PROM1: variants seen among roughly 807,000 people sequenced by gnomAD.
The protein encoded by PROM1 is prominin 1, also known as prominin-1.
PROM1 carries 105 observed loss-of-function variants against 116.9 expected under a neutral mutation model. That is an observed-to-expected ratio of 0.90 (90% CI 0.77 to 1.06). The LOEUF (loss-of-function observed/expected upper bound fraction) is 1.06, where lower values mean the gene tolerates loss of function less well. Among genes scored for constraint, PROM1 ranks in the 50% least tolerant of loss-of-function variants. PROM1 has a pLI of 0.00. For synonymous variants in PROM1, 393 were observed against 387.0 expected, an observed-to-expected ratio of 1.02 and a Z score of -0.18; for missense variants, 1,122 against 1,045.2, an observed-to-expected ratio of 1.07 and a Z score of -1.01.
At chr4:16,015,644 C>A (rs769321716) in intron 10 of PROM1, among the ~76,000 whole-genome samples, 1 of 151,688 alleles carries the variant, frequency 6.6e-6, no homozygotes, top group East Asian at 1.9e-4. Flanking sequence ...GAGCCGAGAT[C>A]GTACCACTGT....
At chr4:16,066,058 G>C (rs1192665279) in intron 2 of PROM1, among the ~76,000 whole-genome samples, 1 of 152,118 alleles carries the variant, frequency 6.6e-6, no homozygotes, top group Admixed American at 6.5e-5. Context: ...GAAGAGGCAA[G>C]GAAGATTGTC....
chr4:16,080,011 C>CAGA, intron 1 of PROM1: 1 of 65,908 alleles, frequency 1.5e-5, no homozygotes. Context: ...CCTGTCTCTA[C>CAGA]AAAAAAAAAA....
intron 5 of PROM1, among the ~76,000 whole-genome samples, chr4:16,028,774 T>G (rs373375524): frequency 6.6e-6 from 1 of 152,228 alleles, no homozygotes; most frequent in African/African-American, 2.4e-5. Context: ...CTCTGGCATT[T>G]GACATAAATG....
intron 15 of PROM1, among the ~76,000 whole-genome samples, chr4:15,997,188 A>G (rs557483063): frequency 1.3e-5 from 2 of 151,548 alleles, no homozygotes; most frequent in African/African-American, 4.8e-5. Context: ...GACACTACAC[A>G]GTGAGCTAAA....
chr4:15,983,213 C>A (rs754288923), intron 23 of PROM1, among the ~76,000 whole-genome samples: 4 of 152,118 alleles, frequency 2.6e-5, no homozygotes, highest in Non-Finnish European at 5.9e-5. Context: ...TCAGAAAAGG[C>A]TTCCTGGAAA....
Position 15,979,406 on chromosome 4 carries a change from A to G in PROM1, c.2571T>C (p.Pro857=). Residue 857 remains proline, a synonymous_variant, in exon 26 of 28, where the codon CCT becomes CCC. Coordinates refer to ENST00000447510, the MANE Select transcript of PROM1 (RefSeq NM_006017.3). The part of the protein sequence containing the change: ...HKDHVYGIHN[P]VMTSPSQH The stretch of plus-strand genomic sequence containing the variant: ...AGACTTTGCTTTACCTTGTCATAAC[A>G]GGATTGTGAATACCATATACATGAT... The G allele has an allele frequency of 1.9e-6, 3 of 1,613,830 alleles. No homozygotes were observed. The highest frequency in any genetic ancestry group is 2.5e-6 in the Non-Finnish European group (3 of 1,179,792).
At chr4:15,988,141 G>T (rs1719970687) in intron 19 of PROM1, among the ~76,000 whole-genome samples, 1 of 152,160 alleles carries the variant, frequency 6.6e-6, no homozygotes, top group Non-Finnish European at 1.5e-5. Context: ...CTCCCAAAGT[G>T]CTGGGATTAC....
chr4:15,995,137 A>G lies in PROM1; in HGVS notation c.1683-1066T>C, dbSNP rs117542849. 4.9e-3 allele frequency among the ~76,000 whole-genome samples: 743 copies of G among 152,260 alleles called. 30 individuals are homozygous for G. In the East Asian group the frequency reaches 0.11, roughly 22 times the overall value. On this transcript the variant is annotated intron_variant, in intron 15 of 27. Coordinates refer to ENST00000447510, the MANE Select transcript of PROM1 (RefSeq NM_006017.3). Reference sequence around the variant, plus strand: ...AGCAGAAGACCTCGGTTGACTATCAATGTCTACCCTGAGTATGGGGGATGG... The same window carrying G: ...AGCAGAAGACCTCGGTTGACTATCAGTGTCTACCCTGAGTATGGGGGATGG...
At chr4:16,038,639 G>GA (rs1278437863) in intron 3 of PROM1, among the ~76,000 whole-genome samples, 5 of 152,160 alleles carry the variant, frequency 3.3e-5, no homozygotes, top group Non-Finnish European at 7.3e-5. Context: ...CTGACCTGGT[G>GA]ATCTGCCCGC....
At chr4:16,029,534 G>A (rs947971025) in intron 5 of PROM1, among the ~76,000 whole-genome samples, 1 of 152,182 alleles carries the variant, frequency 6.6e-6, no homozygotes, top group Non-Finnish European at 1.5e-5. Context: ...ATAAACATAT[G>A]TCAGTGTCTA....
chr4:16,072,235 T>C (rs1016818134), intron 2 of PROM1, among the ~76,000 whole-genome samples: 2 of 152,170 alleles, frequency 1.3e-5, no homozygotes, highest in African/African-American at 4.8e-5. Context: ...AAAGCCTTAC[T>C]TCCTGGGGAT....
intron 27 of PROM1, among the ~76,000 whole-genome samples, chr4:15,969,586 T>G (rs1713868840): frequency 6.6e-6 from 1 of 152,148 alleles, no homozygotes; most frequent in African/African-American, 2.4e-5. Context: ...TTTATCTTAT[T>G]TTATTTATTT....
rs202210292 is a variant in PROM1 at position 16,014,193 on chromosome 4, CA to C, written c.1078-856del. ...CTGCCAGGGAAAAGTACAGCACTTT[CA>C]GCCTTCATAAGACTTATGGTGCCAG... is the stretch of plus-strand genomic sequence containing the variant. On this transcript the variant is annotated intron_variant, in intron 10 of 27. Transcript: ENST00000447510. Among the ~76,000 whole-genome samples the C allele has an allele frequency of 9.9e-3, 1,507 of 152,312 alleles. 19 individuals carry two copies. The highest frequency in any genetic ancestry group is 0.03 in the African/African-American group (1,260 of 41,566).
At chr4:16,021,962 C>T (rs1373167442) in intron 8 of PROM1, among the ~76,000 whole-genome samples, 11 of 152,132 alleles carry the variant, frequency 7.2e-5, no homozygotes, top group Admixed American at 1.3e-4. Flanking sequence ...GTCCCTAATC[C>T]AACAGAACTG....
intron 8 of PROM1, among the ~76,000 whole-genome samples, chr4:16,022,113 A>G (rs1730054907): frequency 7.1e-6 from 1 of 141,360 alleles, no homozygotes. Flanking sequence ...GAAGGAGGGA[A>G]GGAGGGAAGA....
intron 20 of PROM1, among the ~76,000 whole-genome samples, chr4:15,986,588 C>A (rs865862952): frequency 5.2e-4 from 79 of 152,146 alleles, no homozygotes; most frequent in African/African-American, 1.7e-3. Context: ...CCTCGACTAA[C>A]CCCCTTGGCT....
chr4:15,980,303 T>TA (rs58036643), intron 24 of PROM1, 119 bp downstream of exon 24: 70,652 of 602,082 alleles, frequency 0.12, 2,965 homozygotes, highest in African/African-American at 0.26. Flanking sequence ...CAACTACTAC[T>TA]AAAAAAAAAA....
chr4:15,981,290 G>C (rs1428605264), intron 23 of PROM1, among the ~76,000 whole-genome samples: 1 of 148,150 alleles, frequency 6.7e-6, no homozygotes, highest in African/African-American at 2.5e-5. Context: ...TGACAAATTA[G>C]CCAGGTGCGG....
chr4:16,010,400 G>A (rs999154412), intron 11 of PROM1, among the ~76,000 whole-genome samples: 2 of 152,240 alleles, frequency 1.3e-5, no homozygotes, highest in Non-Finnish European at 2.9e-5. Context: ...AGAGAGACAA[G>A]ATTAGCAGTT....
Sources: gnomAD v4.1 joint callset for allele counts (sites outside exome capture counted in the v4.1 genomes callset) on GRCh38, gnomAD v4.1.1 for gene constraint, MANE v1.5 for transcripts, NCBI Gene and HGNC (gene_info 2026-07-23, HGNC 2026-07-21) for gene names.